The following RPS6KC1 variants were observed in gnomAD, a reference collection of about 807,000 sequenced individuals.
RPS6KC1 encodes the protein ribosomal protein S6 kinase C1.
RPS6KC1 carries 54 observed loss-of-function variants against 103.8 expected under a neutral mutation model. The ratio of observed to expected loss-of-function variants is 0.52; its 90% CI spans 0.42 to 0.65. The LOEUF is 0.65. RPS6KC1 is among the 30% of genes least tolerant of loss of function. The probability of loss-of-function intolerance (pLI) is 0.00; values close to 1 mark genes in which losing one functional copy is unlikely to be tolerated. For missense variants in RPS6KC1, 1,151 were observed against 1,253.8 expected (o/e 0.92, Z 1.24); for synonymous variants, 439 against 438.7 (o/e 1.00, Z -0.01).
the RPS6KC1 span, among the ~76,000 whole-genome samples, chr1:213,488,939 G>T: frequency 4.6e-5 from 7 of 152,130 alleles, no homozygotes; most frequent in Non-Finnish European, 1.0e-4. Flanking sequence ...TCATATAATT[G>T]TCCCCAAATT....
the RPS6KC1 span, among the ~76,000 whole-genome samples, chr1:213,282,824 G>T: frequency 1.3e-5 from 2 of 152,184 alleles, no homozygotes; most frequent in Non-Finnish European, 2.9e-5. Flanking sequence ...AAGAACACAG[G>T]GTTTCTGCCT....
chr1:213,384,648 C>G, the RPS6KC1 span, among the ~76,000 whole-genome samples: 1 of 152,110 alleles, frequency 6.6e-6, no homozygotes, highest in Admixed American at 6.5e-5. Flanking sequence ...ACACAGATGC[C>G]CCTGCCTGGC....
the RPS6KC1 span, among the ~76,000 whole-genome samples, chr1:213,825,161 T>C: frequency 6.6e-5 from 10 of 152,318 alleles, 1 homozygote; most frequent in African/African-American, 2.2e-4. Flanking sequence ...CTCTGAAGCG[T>C]CAATTAATAT....
At chr1:213,352,291 C>T in the RPS6KC1 span, among the ~76,000 whole-genome samples, 5 of 152,072 alleles carry the variant, frequency 3.3e-5, no homozygotes, top group African/African-American at 9.7e-5. Context: ...ATATTCTCTA[C>T]TGTAATTCTA....
At chr1:213,803,415 T>G in the RPS6KC1 span, among the ~76,000 whole-genome samples, 1 of 151,850 alleles carries the variant, frequency 6.6e-6, no homozygotes, top group South Asian at 2.1e-4. Context: ...CCTGGCTAAT[T>G]TTTGTATTTT....
At chr1:213,375,161 G>T in the RPS6KC1 span, among the ~76,000 whole-genome samples, 1 of 145,918 alleles carries the variant, frequency 6.9e-6, no homozygotes, top group Non-Finnish European at 1.5e-5. Flanking sequence ...ATATATACAC[G>T]CATACACACA....
chr1:213,425,897 G>A, the RPS6KC1 span, among the ~76,000 whole-genome samples: 5 of 152,182 alleles, frequency 3.3e-5, no homozygotes, highest in Admixed American at 6.5e-5. Context: ...CGGGAAGGTG[G>A]GGAGGCTTCC....
At chr1:213,101,316 G>A (rs2081999819) in intron 3 of RPS6KC1, among the ~76,000 whole-genome samples, 1 of 152,162 alleles carries the variant, frequency 6.6e-6, no homozygotes, top group Non-Finnish European at 1.5e-5. Context: ...ACAAAGAAAT[G>A]AGCATGTTCC....
intron 4 of RPS6KC1, among the ~76,000 whole-genome samples, chr1:213,111,955 T>C (rs2083067785): frequency 6.6e-6 from 1 of 152,108 alleles, no homozygotes; most frequent in African/African-American, 2.4e-5. Context: ...GTAATACAAA[T>C]TGTCGCTCCT....
intron 12 of RPS6KC1, among the ~76,000 whole-genome samples, chr1:213,250,020 C>G (rs1408557985): frequency 6.6e-6 from 1 of 152,146 alleles, no homozygotes; most frequent in Non-Finnish European, 1.5e-5. Flanking sequence ...GACATGTAGC[C>G]AAGCCTAGCC....
chr1:213,505,878 C>T, the RPS6KC1 span, among the ~76,000 whole-genome samples: 2 of 152,144 alleles, frequency 1.3e-5, no homozygotes, highest in Admixed American at 6.5e-5. Context: ...TGCATGTTTT[C>T]TGTCTCTGGC....
chr1:213,166,463 C>A (rs184172908), intron 6 of RPS6KC1, among the ~76,000 whole-genome samples: 2 of 152,172 alleles, frequency 1.3e-5, no homozygotes, highest in Admixed American at 1.3e-4. Context: ...CATTTTTCAA[C>A]TGAGTAGAAA....
intron 8 of RPS6KC1, among the ~76,000 whole-genome samples, chr1:213,220,546 G>A (rs944512434): frequency 2.0e-4 from 30 of 152,058 alleles, no homozygotes; most frequent in Non-Finnish European, 1.3e-4. Context: ...GGCTGGTCTC[G>A]AACTCCTGGC....
chr1:213,631,848 A>C, the RPS6KC1 span, among the ~76,000 whole-genome samples: 1 of 152,284 alleles, frequency 6.6e-6, no homozygotes, highest in East Asian at 1.9e-4. Flanking sequence ...TTACACAGTA[A>C]AATTAGCTGT....
At chr1:213,383,376 C>T in the RPS6KC1 span, among the ~76,000 whole-genome samples, 8 of 152,208 alleles carry the variant, frequency 5.3e-5, no homozygotes, top group South Asian at 2.1e-4. Flanking sequence ...CCACAGCCCT[C>T]GAGGGGCTCT....
At chr1:213,632,046 A>G in the RPS6KC1 span, among the ~76,000 whole-genome samples, 2 of 152,186 alleles carry the variant, frequency 1.3e-5, no homozygotes, top group South Asian at 2.1e-4. Flanking sequence ...ATTCAGCATA[A>G]TGCTTTTGAG....
chr1:213,792,557 T>A, the RPS6KC1 span, among the ~76,000 whole-genome samples: 1 of 152,326 alleles, frequency 6.6e-6, no homozygotes, highest in South Asian at 2.1e-4. Flanking sequence ...AGAGACACTA[T>A]GGGCTCTTAA....
the RPS6KC1 span, among the ~76,000 whole-genome samples, chr1:213,847,149 C>T: frequency 6.6e-6 from 1 of 152,180 alleles, no homozygotes; most frequent in Admixed American, 6.5e-5. Flanking sequence ...ACTGATGATA[C>T]AGACCAAAGT....
At chr1:213,382,444 A>G in the RPS6KC1 span, among the ~76,000 whole-genome samples, 1 of 151,530 alleles carries the variant, frequency 6.6e-6, no homozygotes, top group Non-Finnish European at 1.5e-5. Flanking sequence ...TGGTCTTTTC[A>G]GCTGTCTGTT....
Sources: gnomAD v4.1 joint callset for allele counts (sites outside exome capture counted in the v4.1 genomes callset) on GRCh38, gnomAD v4.1.1 for gene constraint, MANE v1.5 for transcripts, NCBI Gene and HGNC (gene_info 2026-07-23, HGNC 2026-07-21) for gene names.